Variants in IGSF11 observed in about 807,000 individuals in gnomAD.
IGSF11 encodes the protein CXADR like 1.
Under a neutral mutation model 41.0 loss-of-function variants are expected in IGSF11, and 22 were observed. The ratio of observed to expected loss-of-function variants is 0.54; its 90% confidence interval spans 0.38 to 0.77. IGSF11 has a LOEUF of 0.77. Among genes scored for constraint, IGSF11 ranks in the 30% least tolerant of loss-of-function variants. IGSF11 has a pLI of 0.00. For synonymous variants in IGSF11, 219 were observed against 201.3 expected, an observed-to-expected ratio of 1.09 and a Z score of -0.74; for missense variants, 444 against 530.8, an observed-to-expected ratio of 0.84 and a Z score of 1.61.
intron 1 of IGSF11, among the ~76,000 whole-genome samples, chr3:119,065,128 T>C (rs1942181913): frequency 6.6e-6 from 1 of 152,236 alleles, no homozygotes; most frequent in Non-Finnish European, 1.5e-5. Context: ...TCAAGTGATG[T>C]ATCACATAGG....
At chr3:119,096,730 T>C (rs577156157) in intron 1 of IGSF11, among the ~76,000 whole-genome samples, 59 of 152,302 alleles carry the variant, frequency 3.9e-4, no homozygotes, top group African/African-American at 9.4e-4. Flanking sequence ...CCAAGGCGTA[T>C]CAAAGGGGAA....
chr3:119,044,521 G>C (rs1941243364), intron 1 of IGSF11, among the ~76,000 whole-genome samples: 1 of 152,132 alleles, frequency 6.6e-6, no homozygotes. Flanking sequence ...CCCTGGTCTT[G>C]CTAGAGATCC....
chr3:118,938,736 A>G (rs1421859586), intron 1 of IGSF11, among the ~76,000 whole-genome samples: 1 of 152,220 alleles, frequency 6.6e-6, no homozygotes, highest in African/African-American at 2.4e-5. Flanking sequence ...CTGGACACCT[A>G]ATTATGAGGT....
At chr3:118,980,298 T>C (rs1265013835) in intron 1 of IGSF11, among the ~76,000 whole-genome samples, 1 of 152,128 alleles carries the variant, frequency 6.6e-6, no homozygotes, top group Non-Finnish European at 1.5e-5. Flanking sequence ...AGATGATGAA[T>C]AAAGGAAATA....
intron 1 of IGSF11, among the ~76,000 whole-genome samples, chr3:118,941,111 C>T (rs1174919773): frequency 1.1e-4 from 17 of 151,766 alleles, no homozygotes; most frequent in Admixed American, 1.1e-3. Flanking sequence ...ATGGGTAAGA[C>T]CTCATCAAAA....
intron 1 of IGSF11, among the ~76,000 whole-genome samples, chr3:119,113,735 C>T (rs1242218464): frequency 1.3e-5 from 2 of 152,222 alleles, no homozygotes; most frequent in Admixed American, 6.5e-5. Context: ...CTAGGCAGTG[C>T]CCCAGTGGGG....
At chr3:119,076,402 T>G (rs2052916492) in intron 1 of IGSF11, among the ~76,000 whole-genome samples, 1 of 152,144 alleles carries the variant, frequency 6.6e-6, no homozygotes, top group East Asian at 1.9e-4. Context: ...AAAGCCAAAA[T>G]TGACAAATGG....
chr3:119,108,948 C>A (rs1280642780), upstream of IGSF11, among the ~76,000 whole-genome samples: 2 of 128,722 alleles, frequency 1.6e-5, no homozygotes, highest in South Asian at 2.8e-4. Flanking sequence ...CCCACTTGAT[C>A]ATGGTGGATA....
intron 1 of IGSF11, among the ~76,000 whole-genome samples, chr3:119,091,290 T>C (rs1030231132): frequency 3.3e-5 from 5 of 152,226 alleles, no homozygotes; most frequent in African/African-American, 1.2e-4. Flanking sequence ...TGGAAAGCAG[T>C]CTGGAGACTT....
At position 119,046,998 on chromosome 3, in the gene IGSF11, G is replaced by A. The variant is rs928360522; in HGVS notation, c.49+58146C>T. On this transcript the variant is annotated intron_variant, in intron 1 of 6. Coordinates refer to the IGSF11 transcript ENST00000354673. ...CCCTAAAAGAGCTCCCGAAGGAAGC[G>A]CTAAACATGGAAAGGAACAACCGGT... Among the ~76,000 whole-genome samples the A allele has an allele frequency of 8.4e-5, 12 of 143,254 alleles. No homozygotes were observed. The East Asian group carries it at 1.6e-3, about 19-fold the overall frequency. The allele number at this position is 143,254 out of a possible 152,430, so 94.0% of individuals were successfully genotyped here. A position where few individuals can be genotyped will look rare whatever the true frequency, so the allele number is the denominator to read the frequency against.
chr3:118,942,453 C>T (rs138617804), intron 1 of IGSF11, among the ~76,000 whole-genome samples: 1,877 of 152,274 alleles, frequency 0.012, 36 homozygotes, highest in African/African-American at 0.042. Flanking sequence ...TGTTCTGTCA[C>T]GTTTCTTCTT....
At chr3:119,013,112 C>G (rs1191969738) in intron 1 of IGSF11, 1 of 152,276 alleles carries the variant, frequency 6.6e-6, no homozygotes, top group Non-Finnish European at 1.5e-5. Flanking sequence ...CTCCCATGCC[C>G]TCTCCTTTCC....
chr3:118,911,164 C>A (rs1342546939), intron 4 of IGSF11, among the ~76,000 whole-genome samples: 1 of 150,982 alleles, frequency 6.6e-6, no homozygotes, highest in Non-Finnish European at 1.5e-5. Context: ...AATATATACA[C>A]AAATTAATAC....
chr3:118,968,967 C>G (rs934922307), intron 1 of IGSF11, among the ~76,000 whole-genome samples: 4 of 152,242 alleles, frequency 2.6e-5, no homozygotes, highest in African/African-American at 9.6e-5. Flanking sequence ...TCATCTCATA[C>G]ACATAATGTA....
At chr3:119,112,410 A>G (rs2077190154) in intron 1 of IGSF11, among the ~76,000 whole-genome samples, 1 of 152,180 alleles carries the variant, frequency 6.6e-6, no homozygotes, top group South Asian at 2.1e-4. Flanking sequence ...TGTGCGGGAT[A>G]TAATCTCCTG....
intron 1 of IGSF11, among the ~76,000 whole-genome samples, chr3:119,017,158 A>C (rs184882703): frequency 6.6e-6 from 1 of 152,288 alleles, no homozygotes; most frequent in Admixed American, 6.5e-5. Context: ...AGTAAGCGAA[A>C]TTGGAAGGTG....
At chr3:119,098,527 T>A (rs1357877435) in intron 1 of IGSF11, among the ~76,000 whole-genome samples, 1 of 152,192 alleles carries the variant, frequency 6.6e-6, no homozygotes, top group Non-Finnish European at 1.5e-5. Flanking sequence ...GCATAGTGCC[T>A]AGCACAATAG....
chr3:118,924,886 A>C (rs557413220), intron 4 of IGSF11, among the ~76,000 whole-genome samples: 6 of 152,322 alleles, frequency 3.9e-5, no homozygotes, highest in Non-Finnish European at 7.4e-5. Flanking sequence ...ACTGTTACAG[A>C]AACAGTGGAA....
chr3:118,970,177 C>A (rs985927278), intron 1 of IGSF11, among the ~76,000 whole-genome samples: 2 of 152,182 alleles, frequency 1.3e-5, no homozygotes, highest in Admixed American at 1.3e-4. Flanking sequence ...GAACAGCTCC[C>A]TTCATGCCTA....
Sources: gnomAD v4.1 joint callset for allele counts (sites outside exome capture counted in the v4.1 genomes callset) on GRCh38, gnomAD v4.1.1 for gene constraint, MANE v1.5 for transcripts, NCBI Gene and HGNC (gene_info 2026-07-23, HGNC 2026-07-21) for gene names.